The following CELF2 variants were observed in gnomAD, a reference collection of about 807,000 sequenced individuals.
CELF2 encodes the protein CUG triplet repeat RNA-binding protein 2.
In CELF2, 8 loss-of-function variants were observed where a neutral mutation model predicts 62.6. The observed-to-expected ratio is 0.13, with a 90% CI of 0.07 to 0.23. The LOEUF (loss-of-function observed/expected upper bound fraction) is 0.23. CELF2 is among the 10% of genes least tolerant of loss of function. The pLI, the probability that CELF2 is intolerant of heterozygous loss-of-function variation, is 1.00. For missense variants in CELF2, 333 were observed against 671.0 expected, an observed-to-expected ratio of 0.50 and a Z score of 5.56; for synonymous variants, 258 against 250.0, an observed-to-expected ratio of 1.03 and a Z score of -0.30.
rs576258737 is a variant in CELF2, at chr10:10,865,510, G to A, written c.54-54454G>A. ...TGTAATTCTGAGAGTGAGTCACAACGAGTTTTATTAGCCTTATAGTTACAT... is the reference window on the plus strand; with the variant it reads ...TGTAATTCTGAGAGTGAGTCACAACAAGTTTTATTAGCCTTATAGTTACAT... On this transcript the variant is annotated intron_variant, in intron 1 of 13. Transcript: ENST00000636488. Among the ~76,000 whole-genome samples, 14 of 152,266 alleles carry A rather than the reference G, an allele frequency of 9.2e-5. No homozygotes were observed. The South Asian group carries it at 1.0e-3, about 11-fold the overall frequency.
chr10:10,525,847 G>A, the CELF2 span, among the ~76,000 whole-genome samples: 2 of 152,136 alleles, frequency 1.3e-5, no homozygotes, highest in African/African-American at 4.8e-5. Flanking sequence ...ACCCAGTGGT[G>A]GATCATACTG....
At chr10:10,843,292 T>C (rs1451453557) in intron 1 of CELF2, among the ~76,000 whole-genome samples, 2 of 152,084 alleles carry the variant, frequency 1.3e-5, no homozygotes, top group East Asian at 1.9e-4. Flanking sequence ...TTTTCTGTTT[T>C]CAATCATTGG....
chr10:11,016,754 A>G (rs1393277442), upstream of CELF2, among the ~76,000 whole-genome samples: 1 of 152,240 alleles, frequency 6.6e-6, no homozygotes, highest in African/African-American at 2.4e-5. This position sits in a 1 kb window ranked among gnomAD's most constrained non-coding sequence, Gnocchi z 5.2. Flanking sequence ...TTAGAAAGAC[A>G]AAGACTGAAA....
At chr10:10,682,087 T>C in the CELF2 span, among the ~76,000 whole-genome samples, 1 of 152,210 alleles carries the variant, frequency 6.6e-6, no homozygotes, top group Non-Finnish European at 1.5e-5. Flanking sequence ...TCTCATTCAA[T>C]TGATATGGTA....
At chr10:10,781,606 G>C in the CELF2 span, among the ~76,000 whole-genome samples, 1 of 152,174 alleles carries the variant, frequency 6.6e-6, no homozygotes, top group African/African-American at 2.4e-5. Context: ...CCATGATTCA[G>C]TTACCTCCCA....
intron 2 of CELF2, among the ~76,000 whole-genome samples, chr10:11,216,528 C>T (rs1359270370): frequency 6.6e-6 from 1 of 152,228 alleles, no homozygotes; most frequent in Non-Finnish European, 1.5e-5. Flanking sequence ...TTTTCCCAAA[C>T]TGATTGTGCT....
At chr10:11,074,863 G>A (rs1042919829) in intron 1 of CELF2, 3 of 152,142 alleles carry the variant, frequency 2.0e-5, no homozygotes, top group African/African-American at 7.2e-5. Context: ...GGAATTATGT[G>A]TTATTCTTAT....
intron 3 of CELF2, among the ~76,000 whole-genome samples, chr10:11,248,424 C>T (rs989006003): frequency 2.0e-5 from 3 of 152,140 alleles, no homozygotes; most frequent in African/African-American, 7.2e-5. Flanking sequence ...CTCCCTTCCA[C>T]CCTCCTCCTC....
chr10:10,819,423 C>T (rs568531289), intron 1 of CELF2, among the ~76,000 whole-genome samples: 131 of 152,218 alleles, frequency 8.6e-4, no homozygotes, highest in Non-Finnish European at 1.6e-3. Flanking sequence ...ATGAGTTTAG[C>T]GTGAAACTGT....
intron 1 of CELF2, among the ~76,000 whole-genome samples, chr10:10,917,072 C>A (rs1186128773): frequency 6.6e-6 from 1 of 152,058 alleles, no homozygotes; most frequent in Admixed American, 6.5e-5. Context: ...TTTTTCCACA[C>A]TTGTATTTCA....
At chr10:11,034,280 T>C (rs1024709601) in intron 1 of CELF2, among the ~76,000 whole-genome samples, 4 of 152,222 alleles carry the variant, frequency 2.6e-5, no homozygotes, top group Admixed American at 6.5e-5. Context: ...AATTAACCGA[T>C]GTAACTTTTA....
intron 1 of CELF2, among the ~76,000 whole-genome samples, chr10:11,133,102 T>C (rs115013886): frequency 0.016 from 2,482 of 152,258 alleles, 63 homozygotes; most frequent in African/African-American, 0.057. Context: ...TCCTCTACTT[T>C]AGAACGCTAG....
chr10:11,136,721 G>A (rs2060495709), intron 1 of CELF2, among the ~76,000 whole-genome samples: 1 of 152,226 alleles, frequency 6.6e-6, no homozygotes, highest in Non-Finnish European at 1.5e-5. Flanking sequence ...TGTTCCGGCT[G>A]TCACTAGCTC....
Position 11,331,535 on chromosome 10 carries a change from T to G in CELF2, c.*2482T>G, listed in dbSNP as rs2096020811. The G allele has an allele frequency of 6.6e-6, 1 of 152,330 alleles. No individual in the cohort carries two copies. Among genetic ancestry groups the G allele is most frequent in the South Asian group, 2.1e-4 (1 of 4,822 alleles). The allele number at this position is 152,330 out of a possible 1,614,324, so 9.4% of individuals were successfully genotyped here. The stretch of plus-strand genomic sequence containing the variant: ...GTACTTCCTTCCTAGAGCTTCAGTG[T>G]GTTTCTTGTGAGAAGTAATTTGATA... On this transcript the variant is annotated 3_prime_UTR_variant, in exon 13 of 13. Transcript: ENST00000633077.
At chr10:10,474,321 C>T in the CELF2 span, among the ~76,000 whole-genome samples, 1 of 151,922 alleles carries the variant, frequency 6.6e-6, no homozygotes, top group African/African-American at 2.4e-5. Context: ...ATAACAAAAA[C>T]AAGCTTAACA....
the CELF2 span, among the ~76,000 whole-genome samples, chr10:10,479,075 G>T: frequency 6.6e-6 from 1 of 152,040 alleles, no homozygotes; most frequent in African/African-American, 2.4e-5. Flanking sequence ...TTCAAGCAAG[G>T]ACTGCCTCTT....
intron 2 of CELF2, among the ~76,000 whole-genome samples, chr10:11,197,019 A>AGAAG (rs1565230163): frequency 0.024 from 253 of 10,750 alleles, 37 homozygotes; most frequent in African/African-American, 0.082. Context: ...AAAGAAAGAA[A>AGAAG]GAAAGAAAAG....
In CELF2 at chr10:11,077,164, G is replaced by A. The variant is rs17149402; in HGVS notation, c.74+59001G>A. On this transcript the variant is annotated intron_variant, in intron 1 of 12. Coordinates refer to ENST00000633077, the MANE Select transcript of CELF2 (RefSeq NM_001326342.2). ...TGGTGGTAGTAGTTCACACAGTGCC[G>A]AGGGTTATCATTATAAATACCAGAT... Among the ~76,000 whole-genome samples the A allele has an allele frequency of 7.3e-3, 1,104 of 152,234 alleles. 41 individuals are homozygous for A. The highest frequency in any genetic ancestry group is 0.056 in the South Asian group (271 of 4,822).
At position 11,333,140 on chromosome 10, in the gene CELF2, G is replaced by T. The variant is rs1330289555; in HGVS notation, c.*4087G>T. On this transcript the variant is annotated 3_prime_UTR_variant, in exon 13 of 13. Transcript: ENST00000633077. ...CCCCAGAGGAAACACTGAGGGTAGG[G>T]GACAGGAGGCTCAGGACGCGCCCTC... is the stretch of plus-strand genomic sequence containing the variant. The T allele has an allele frequency of 6.6e-6, 1 of 152,194 alleles. No homozygotes were observed. The highest frequency in any genetic ancestry group is 2.4e-5 in the African/African-American group (1 of 41,414). The allele number at this position is 152,194 out of a possible 1,614,324, so 9.4% of individuals were successfully genotyped here. A position where few individuals can be genotyped will look rare whatever the true frequency, so the allele number is the denominator to read the frequency against.
Sources: gnomAD v4.1 joint callset for allele counts (sites outside exome capture counted in the v4.1 genomes callset) on GRCh38, gnomAD v4.1.1 for gene constraint, Gnocchi (gnomAD v3.1) non-coding constraint, MANE v1.5 for transcripts, NCBI Gene and HGNC (gene_info 2026-07-23, HGNC 2026-07-21) for gene names.